DLC1: variants seen among roughly 807,000 people sequenced by gnomAD.
DLC1 encodes rho GTPase-activating protein 7.
A neutral mutation model predicts 140.3 loss-of-function variants in DLC1; 54 were observed. That is an observed-to-expected ratio of 0.38 (90% CI 0.31 to 0.48). The LOEUF is 0.48. Among genes scored for constraint, DLC1 ranks in the 20% least tolerant of loss-of-function variants. The pLI, the probability that DLC1 is intolerant of heterozygous loss-of-function variation, is 0.96. For synonymous variants in DLC1, 986 were observed against 728.1 expected (o/e 1.35, Z -5.70); for missense variants, 2,536 against 1,907.0 (o/e 1.33, Z -6.14).
At chr8:13,249,179 C>G (rs1438716097) in intron 5 of DLC1, among the ~76,000 whole-genome samples, 2 of 152,158 alleles carry the variant, frequency 1.3e-5, no homozygotes, top group African/African-American at 4.8e-5. Flanking sequence ...TGGGTTCAAG[C>G]GGTTCTCCTG....
chr8:13,211,677 AC>A (rs1208949201), intron 5 of DLC1, among the ~76,000 whole-genome samples: 1 of 152,238 alleles, frequency 6.6e-6, no homozygotes, highest in African/African-American at 2.4e-5. Flanking sequence ...TCTATTAGAT[AC>A]AAAACACAAT....
intron 5 of DLC1, among the ~76,000 whole-genome samples, chr8:13,243,551 A>C (rs1419134620): frequency 6.6e-6 from 1 of 152,168 alleles, no homozygotes; most frequent in Non-Finnish European, 1.5e-5. Context: ...GAGTACAAGG[A>C]AAGGGTTTGT....
At position 13,514,706 on chromosome 8, in the gene DLC1, C is replaced by T. The variant is rs1487436655; in HGVS notation, c.-230G>A. 5.0e-6 allele frequency: 2 copies of T among 398,342 alleles called. No homozygotes were observed. Among genetic ancestry groups the T allele is most frequent in the East Asian group, 3.6e-5 (1 of 28,076 alleles). The allele number at this position is 398,342 out of a possible 1,614,324, so 24.7% of individuals were successfully genotyped here. A position where few individuals can be genotyped will look rare whatever the true frequency, so the allele number is the denominator to read the frequency against. ...TTCTCCAAAATCTAAGTTCCCATTT[C>T]GTGGTTGAGATCATGGCTCTATTCT... On this transcript the variant is annotated 5_prime_UTR_variant, in exon 1 of 18. Transcript: ENST00000276297.
intron 5 of DLC1, among the ~76,000 whole-genome samples, chr8:13,237,655 G>T (rs1161991191): frequency 6.6e-6 from 1 of 151,896 alleles, no homozygotes; most frequent in Non-Finnish European, 1.5e-5. Flanking sequence ...CTATATCACT[G>T]CGCATGTTTC....
chr8:13,552,470 A>T (rs12548488), intron 1 of DLC1, among the ~76,000 whole-genome samples: 24,902 of 150,888 alleles, frequency 0.17, 2,330 homozygotes, highest in Middle Eastern at 0.25. Context: ...ACAATAAAAA[A>T]CTAGAAATTC....
chr8:13,151,081 G>A (rs1345557854), intron 5 of DLC1, among the ~76,000 whole-genome samples: 1 of 152,152 alleles, frequency 6.6e-6, no homozygotes, highest in African/African-American at 2.4e-5. Context: ...AAATATCTGG[G>A]GAAGTTGAAT....
chr8:13,152,928 G>T (rs878995744), intron 5 of DLC1, among the ~76,000 whole-genome samples: 1 of 151,086 alleles, frequency 6.6e-6, no homozygotes, highest in Non-Finnish European at 1.5e-5. Flanking sequence ...TTAAGTTTAT[G>T]ACTTAATGAA....
chr8:13,313,540 C>T (rs1374954538), intron 4 of DLC1, among the ~76,000 whole-genome samples: 1 of 152,126 alleles, frequency 6.6e-6, no homozygotes, highest in Admixed American at 6.5e-5. Context: ...AAGGAAATTG[C>T]TGCATGGGAA....
chr8:13,566,974 C>A (rs964306475), intron 1 of DLC1: 1 of 1,528,396 alleles, frequency 6.5e-7, no homozygotes, highest in Non-Finnish European at 8.8e-7. Context: ...GATGAGGAGC[C>A]GAGCCTGATG....
chr8:13,170,547 G>A (rs955579226), intron 5 of DLC1, among the ~76,000 whole-genome samples: 6 of 152,068 alleles, frequency 3.9e-5, no homozygotes, highest in Non-Finnish European at 8.8e-5. Flanking sequence ...TGGCCAACAC[G>A]GTGAAACCCC....
intron 2 of DLC1, among the ~76,000 whole-genome samples, chr8:13,445,676 A>C (rs1798744434): frequency 6.6e-6 from 1 of 152,216 alleles, no homozygotes; most frequent in Admixed American, 6.5e-5. Flanking sequence ...TATTATAGGG[A>C]GGCCGAAGTT....
At chr8:13,313,581 C>A (rs931260260) in intron 4 of DLC1, among the ~76,000 whole-genome samples, 1 of 152,118 alleles carries the variant, frequency 6.6e-6, no homozygotes. Flanking sequence ...TGATTGTGAA[C>A]TATTCCTACT....
chr8:13,588,955 A>G (rs1805424568), intron 1 of DLC1, among the ~76,000 whole-genome samples: 1 of 152,098 alleles, frequency 6.6e-6, no homozygotes, highest in South Asian at 2.1e-4. Context: ...TGGGTGACAG[A>G]TGGAGTCAGA....
intron 3 of DLC1, 34 bp downstream of exon 3, chr8:13,401,436 C>A (rs777099508): frequency 5.0e-6 from 8 of 1,608,728 alleles, no homozygotes; most frequent in Non-Finnish European, 6.8e-6. Flanking sequence ...GTTACGACTC[C>A]TATGGGAAAA....
rs1839220108 is a variant in DLC1, at chr8:13,438,454, A to G, written c.1024-36835T>C. On this transcript the variant is annotated intron_variant, in intron 2 of 17. Coordinates refer to ENST00000276297, the MANE Select transcript of DLC1 (RefSeq NM_182643.3). ...GAAAAAAATAGCCAGAATGATCGCT[A>G]TAAAACCAGTCAGTTCACGTTACTT... Among the ~76,000 whole-genome samples the G allele has an allele frequency of 1.3e-5, 2 of 152,210 alleles. 1 individual carries two copies. Among genetic ancestry groups the G allele is most frequent in the South Asian group, 4.1e-4 (2 of 4,822 alleles).
intron 1 of DLC1, among the ~76,000 whole-genome samples, chr8:13,559,620 A>G (rs1415106729): frequency 6.6e-6 from 1 of 152,224 alleles, no homozygotes; most frequent in Admixed American, 6.5e-5. Context: ...TAGAAAAATT[A>G]CAATAAAATG....
chr8:13,334,806 C>T (rs1216701435), intron 4 of DLC1, among the ~76,000 whole-genome samples: 1 of 152,150 alleles, frequency 6.6e-6, no homozygotes, highest in Non-Finnish European at 1.5e-5. Context: ...GTTAGATGTC[C>T]AAAGTAGAGA....
intron 5 of DLC1, among the ~76,000 whole-genome samples, chr8:13,278,877 T>C (rs1019725392): frequency 6.6e-6 from 1 of 152,176 alleles, no homozygotes; most frequent in African/African-American, 2.4e-5. Context: ...TGTATAGGTA[T>C]TATTATCACT....
chr8:13,493,390 G>A (rs906613030), intron 2 of DLC1, among the ~76,000 whole-genome samples: 8 of 151,894 alleles, frequency 5.3e-5, no homozygotes, highest in Non-Finnish European at 8.8e-5. Flanking sequence ...TTCATTTCTT[G>A]TTTTAATTTA....
Sources: allele counts gnomAD v4.1 joint callset (sites outside exome capture counted in the v4.1 genomes callset), GRCh38; gene constraint gnomAD v4.1.1; transcripts MANE v1.5; gene names NCBI Gene and HGNC (gene_info 2026-07-23, HGNC 2026-07-21).